Variants in KIF26B observed in about 807,000 individuals in gnomAD.
KIF26B encodes kinesin family member 26B, also known as kinesin-like protein KIF26B.
A neutral mutation model predicts 151.2 loss-of-function variants in KIF26B; 63 were observed. The observed-to-expected ratio is 0.42, with a 90% CI of 0.34 to 0.51. The LOEUF is 0.51. Ranked by LOEUF, KIF26B falls within the 20% of genes least tolerant of loss-of-function variation. KIF26B has a pLI of 0.07. For synonymous variants in KIF26B, 1,357 were observed against 1,262.1 expected (o/e 1.08, Z -1.59); for missense variants, 2,813 against 2,913.6 (o/e 0.97, Z 0.79).
At chr1:245,370,305 A>G (rs1316447243) in intron 3 of KIF26B, among the ~76,000 whole-genome samples, 1 of 151,586 alleles carries the variant, frequency 6.6e-6, no homozygotes, top group Non-Finnish European at 1.5e-5. Context: ...TTATATGAAT[A>G]TTTTCCACGC....
At position 245,524,881 on chromosome 1, in the gene KIF26B, A is replaced by G. The variant is rs1231559640; in HGVS notation, c.1167-15886A>G. On this transcript the variant is annotated intron_variant, in intron 4 of 14. Transcript: ENST00000407071. ...TTTCCTCTGATTCTGTTCAAGGTCA[A>G]TAATGAACTCATTAATTCTAATCCA... Among the ~76,000 whole-genome samples, 4 of 152,164 alleles carry G rather than the reference A, an allele frequency of 2.6e-5. No individual in the cohort carries two copies. The East Asian group carries it at 5.8e-4, about 22-fold the overall frequency.
intron 5 of KIF26B, among the ~76,000 whole-genome samples, chr1:245,541,925 T>C (rs1462874018): frequency 1.3e-5 from 2 of 152,212 alleles, no homozygotes; most frequent in South Asian, 2.1e-4. Flanking sequence ...TTGCACCCTC[T>C]ACCCTCTCTT....
At chr1:245,334,042 G>A (rs1672175671) in intron 2 of KIF26B, among the ~76,000 whole-genome samples, 1 of 152,072 alleles carries the variant, frequency 6.6e-6, no homozygotes, top group South Asian at 2.1e-4. Context: ...CGGGTGAGGT[G>A]GGCTGGGGTG....
intron 2 of KIF26B, among the ~76,000 whole-genome samples, chr1:245,159,235 G>A (rs968475365): frequency 1.3e-5 from 2 of 152,154 alleles, no homozygotes; most frequent in African/African-American, 4.8e-5. Context: ...CTGCATTTGG[G>A]AAATATTTTC....
intron 4 of KIF26B, among the ~76,000 whole-genome samples, chr1:245,424,196 C>T (rs1052236080): frequency 2.0e-5 from 3 of 152,050 alleles, no homozygotes; most frequent in African/African-American, 7.2e-5. Context: ...CACTCTGTTT[C>T]CCAGGCTGGA....
intron 4 of KIF26B, among the ~76,000 whole-genome samples, chr1:245,506,913 C>G (rs753170037): frequency 3.3e-5 from 5 of 152,194 alleles, no homozygotes; most frequent in Non-Finnish European, 7.4e-5. Context: ...CTCCTGAGCT[C>G]AGGTGATCCA....
At chr1:245,676,240 C>T (rs1267527380) in intron 10 of KIF26B, 1 of 152,172 alleles carries the variant, frequency 6.6e-6, no homozygotes, top group African/African-American at 2.4e-5. Flanking sequence ...ATATACACTT[C>T]CTGAGCAGAA....
intron 4 of KIF26B, among the ~76,000 whole-genome samples, chr1:245,478,430 AT>A (rs3068344): frequency 2.3e-5 from 3 of 128,600 alleles, no homozygotes; most frequent in Non-Finnish European, 3.2e-5. Flanking sequence ...TCTGACTCGC[AT>A]TTTTTTTTTT....
chr1:245,297,805 T>C (rs1573759773), intron 2 of KIF26B, among the ~76,000 whole-genome samples: 2 of 152,178 alleles, frequency 1.3e-5, no homozygotes, highest in East Asian at 3.8e-4. Context: ...GGCTTGGAGA[T>C]GGGACACCAT....
intron 4 of KIF26B, among the ~76,000 whole-genome samples, chr1:245,527,747 A>G (rs985870890): frequency 2.6e-5 from 4 of 151,412 alleles, no homozygotes; most frequent in African/African-American, 9.7e-5. Context: ...ATTAGCCAGG[A>G]TGGTCTCGAT....
At chr1:245,594,347 A>G (rs936623704) in intron 5 of KIF26B, among the ~76,000 whole-genome samples, 1 of 152,130 alleles carries the variant, frequency 6.6e-6, no homozygotes, top group Admixed American at 6.5e-5. Flanking sequence ...CTTTTTGTAT[A>G]AGGTATAAGG....
At chr1:245,672,377 G>A (rs980883674) in intron 10 of KIF26B, among the ~76,000 whole-genome samples, 3 of 152,160 alleles carry the variant, frequency 2.0e-5, no homozygotes, top group Non-Finnish European at 2.9e-5. Context: ...AGGGACAGAC[G>A]TGCGCATGAA....
intron 3 of KIF26B, among the ~76,000 whole-genome samples, chr1:245,393,117 G>A (rs1210661126): frequency 6.6e-6 from 1 of 152,098 alleles, no homozygotes; most frequent in African/African-American, 2.4e-5. Flanking sequence ...GCTGCAGTGA[G>A]CCAAGATCCC....
intron 3 of KIF26B, among the ~76,000 whole-genome samples, chr1:245,396,104 T>C (rs6685603): frequency 0.11 from 16,395 of 152,166 alleles, 1,617 homozygotes; most frequent in African/African-American, 0.27. Context: ...CTTAGGGTCC[T>C]TATTTTTATA....
intron 5 of KIF26B, among the ~76,000 whole-genome samples, chr1:245,592,868 T>G (rs903974831): frequency 1.3e-5 from 2 of 152,240 alleles, no homozygotes; most frequent in African/African-American, 4.8e-5. Flanking sequence ...TCTGTGGTTC[T>G]GTAATGGTAA....
At position 245,569,474 on chromosome 1, in the gene KIF26B, G is replaced by A. The variant is rs560261853; in HGVS notation, c.1350+28524G>A. On this transcript the variant is annotated intron_variant, in intron 5 of 14. Transcript: ENST00000407071. ...AGTACAAAAAAATTAGCCGGGCATC[G>A]TGGCAGGCACCTGTAATCCCAGCTA... is the stretch of plus-strand genomic sequence containing the variant. Among the ~76,000 whole-genome samples the A allele has an allele frequency of 2.0e-4, 31 of 152,226 alleles. 1 individual carries two copies. Among genetic ancestry groups the A allele is most frequent in the South Asian group, 1.7e-3 (8 of 4,814 alleles).
intron 2 of KIF26B, among the ~76,000 whole-genome samples, chr1:245,335,554 AG>A (rs1233335100): frequency 6.6e-6 from 1 of 151,988 alleles, no homozygotes; most frequent in Non-Finnish European, 1.5e-5. Flanking sequence ...GGGAAAGAAG[AG>A]TCCCACGCAG....
At chr1:245,155,594 C>T in intron 1 of KIF26B, 107 bp downstream of exon 1, 2 of 968,094 alleles carry the variant, frequency 2.1e-6, no homozygotes, top group Non-Finnish European at 3.0e-6. Context: ...TCCCCCGCTG[C>T]AGAGGCGCCC....
chr1:245,213,717 G>C (rs749003421), intron 2 of KIF26B, among the ~76,000 whole-genome samples: 6 of 152,202 alleles, frequency 3.9e-5, no homozygotes, highest in African/African-American at 1.4e-4. Flanking sequence ...ATGCACACGT[G>C]ACCGTGTGCC....
Sources: gnomAD v4.1 joint callset for allele counts (sites outside exome capture counted in the v4.1 genomes callset) on GRCh38, gnomAD v4.1.1 for gene constraint, MANE v1.5 for transcripts, NCBI Gene and HGNC (gene_info 2026-07-23, HGNC 2026-07-21) for gene names.